Variants in EYS observed in about 807,000 individuals in gnomAD.
The protein encoded by EYS is protein eyes shut homolog.
A neutral mutation model predicts 282.1 loss-of-function variants in EYS; 250 were observed. That is an observed-to-expected ratio of 0.89 (90% CI 0.80 to 0.98). The LOEUF (loss-of-function observed/expected upper bound fraction) is 0.98, where lower values mean the gene tolerates loss of function less well. EYS is among the 50% of genes least tolerant of loss of function. The pLI is 0.00. For synonymous variants in EYS, 1,355 were observed against 1,282.9 expected (o/e 1.06, Z -1.20); for missense variants, 4,016 against 3,709.0 (o/e 1.08, Z -2.15).
chr6:63,846,164 A>G (rs1324782464), intron 36 of EYS, among the ~76,000 whole-genome samples: 1 of 152,178 alleles, frequency 6.6e-6, no homozygotes. Flanking sequence ...TTAAAATGCA[A>G]CGGATATAGC....
At position 63,721,777 on chromosome 6, in the gene EYS, A is replaced by C; in HGVS notation, c.8254T>G (p.Leu2752Val). 1 of 1,544,778 alleles carries C rather than the reference A, an allele frequency of 6.5e-7. No individual in the cohort carries two copies. The highest frequency in any genetic ancestry group is 2.4e-5 in the East Asian group (1 of 40,848). Residue 2752 changes from leucine to valine, a missense_variant, in exon 43 of 43, where the codon TTA (leucine) becomes GTA (valine). Transcript: ENST00000503581. ...AQSGDFLCIS[L>V]VNSSVQLRYN... Reference sequence around the variant, plus strand: ...CGAAGTTGAACGGAACTATTTACTAAAGAGATGCATAAAAAATCACCTGCA... The same window carrying C: ...CGAAGTTGAACGGAACTATTTACTACAGAGATGCATAAAAAATCACCTGCA...
At chr6:64,417,997 A>C (rs1352680086) in intron 28 of EYS, among the ~76,000 whole-genome samples, 1 of 152,182 alleles carries the variant, frequency 6.6e-6, no homozygotes, top group Non-Finnish European at 1.5e-5. Flanking sequence ...AATATTATTC[A>C]AATTAAAATA....
chr6:64,993,850 ATGTT>A (rs1430086192), intron 14 of EYS, among the ~76,000 whole-genome samples: 1 of 150,436 alleles, frequency 6.6e-6, no homozygotes, highest in Non-Finnish European at 1.5e-5. Flanking sequence ...TTGCATCTGA[ATGTT>A]TGGGGGAAAA....
At chr6:63,781,545 C>CT (rs1391005449) in intron 39 of EYS, among the ~76,000 whole-genome samples, 1 of 152,084 alleles carries the variant, frequency 6.6e-6, no homozygotes, top group Non-Finnish European at 1.5e-5. Flanking sequence ...ATTTGGCTCT[C>CT]TGTTTGTCTG....
At chr6:65,217,018 G>T (rs1382064916) in intron 12 of EYS, among the ~76,000 whole-genome samples, 1 of 151,936 alleles carries the variant, frequency 6.6e-6, no homozygotes, top group African/African-American at 2.4e-5. Flanking sequence ...AGAATGTATT[G>T]AACAAATGAG....
intron 29 of EYS, among the ~76,000 whole-genome samples, chr6:64,353,067 G>T (rs547689412): frequency 1.3e-5 from 2 of 151,594 alleles, no homozygotes; most frequent in South Asian, 4.1e-4. Context: ...ATAGGGAAGA[G>T]AATACCTCCC....
At chr6:65,455,529 G>A (rs1764569049) in intron 5 of EYS, among the ~76,000 whole-genome samples, 1 of 152,060 alleles carries the variant, frequency 6.6e-6, no homozygotes, top group South Asian at 2.1e-4. Flanking sequence ...AAAAAAACGA[G>A]AGAAGACTCA....
chr6:64,339,064 C>T (rs756017575), intron 29 of EYS, among the ~76,000 whole-genome samples: 20 of 151,990 alleles, frequency 1.3e-4, no homozygotes, highest in Non-Finnish European at 2.8e-4. Flanking sequence ...CCCTTCTAGA[C>T]ATTGGCTTAG....
intron 41 of EYS, among the ~76,000 whole-genome samples, chr6:63,747,005 G>T (rs770184393): frequency 1.3e-5 from 2 of 151,964 alleles, no homozygotes; most frequent in East Asian, 1.9e-4. Flanking sequence ...TGCTTCTCCT[G>T]TTCTTTTAAT....
chr6:64,329,332 G>A (rs555039911), intron 29 of EYS, among the ~76,000 whole-genome samples: 6 of 152,246 alleles, frequency 3.9e-5, no homozygotes, highest in African/African-American at 1.4e-4. Flanking sequence ...TTGTTAGGAA[G>A]AGATTTGCTC....
chr6:63,939,407 C>T (rs1765168045), intron 35 of EYS, among the ~76,000 whole-genome samples: 3 of 151,924 alleles, frequency 2.0e-5, no homozygotes, highest in African/African-American at 4.8e-5. Flanking sequence ...GCACTGTTAA[C>T]GGGGTTGGGA....
chr6:65,344,062 C>A lies in EYS; in HGVS notation c.1575G>T (p.Trp525Cys), dbSNP rs1019315150. The A allele has an allele frequency of 6.2e-7, 1 of 1,610,524 alleles. No homozygotes were observed. The highest frequency in any genetic ancestry group is 8.5e-7 in the Non-Finnish European group (1 of 1,177,998). ...CCTCTTTTGTGCCTTCATGTGGGAA[C>A]CAACATGAAGAATTATTATCTTCAG... ...NDPEDNNSSC[W>C]FPHEGTKEIC... Residue 525 changes from tryptophan to cysteine, a missense_variant, in exon 10 of 43, where the codon TGG (tryptophan) becomes TGT (cysteine). Transcript: ENST00000503581.
chr6:64,119,099 G>A (rs1473088318), intron 31 of EYS, among the ~76,000 whole-genome samples: 2 of 151,886 alleles, frequency 1.3e-5, no homozygotes, highest in Non-Finnish European at 2.9e-5. Context: ...TTTTTAATTT[G>A]AGTGATAGAG....
At chr6:65,522,741 C>A (rs908517867) in intron 2 of EYS, among the ~76,000 whole-genome samples, 3 of 152,034 alleles carry the variant, frequency 2.0e-5, no homozygotes, top group African/African-American at 7.2e-5. Flanking sequence ...TTAATTTGAT[C>A]TTCCCTTATA....
intron 31 of EYS, among the ~76,000 whole-genome samples, chr6:64,096,455 T>C (rs1772617797): frequency 6.6e-6 from 1 of 152,234 alleles, no homozygotes; most frequent in African/African-American, 2.4e-5. Context: ...CATTTCTTTT[T>C]ATTCTTTTTG....
At chr6:64,854,404 A>C (rs1765986381) in intron 19 of EYS, among the ~76,000 whole-genome samples, 1 of 152,100 alleles carries the variant, frequency 6.6e-6, no homozygotes, top group Non-Finnish European at 1.5e-5. Context: ...ATGGAATACT[A>C]TGCAGCCATA....
chr6:64,591,650 G>A lies in EYS; in HGVS notation c.4217C>T (p.Thr1406Ile). ...SSLMSDFIFP[T>I]QSLLFENCQT... ...ACAGTTCTCAAATAATAAAGATTGT[G>A]TAGGAAAAATAAAATCTGACATTAA... Residue 1406 changes from threonine to isoleucine, a missense_variant, in exon 26 of 43, where the codon ACA becomes ATA. Physicochemically the swap from Thr to Ile is moderately conservative, Grantham distance 89 (BLOSUM62 -1). Coordinates refer to ENST00000503581, the MANE Select transcript of EYS (RefSeq NM_001142800.2). The A allele has an allele frequency of 6.4e-7, 1 of 1,551,234 alleles. No homozygotes were observed. Among genetic ancestry groups the A allele is most frequent in the Non-Finnish European group, 8.7e-7 (1 of 1,146,698 alleles).
At chr6:64,617,152 G>A (rs975659460) in intron 24 of EYS, among the ~76,000 whole-genome samples, 7 of 152,118 alleles carry the variant, frequency 4.6e-5, no homozygotes, top group Admixed American at 3.3e-4. Flanking sequence ...AGACATTAAA[G>A]GCCAATACAT....
intron 1 of EYS, among the ~76,000 whole-genome samples, chr6:65,702,855 GT>G (rs1477689676): frequency 6.6e-6 from 1 of 152,046 alleles, no homozygotes; most frequent in Non-Finnish European, 1.5e-5. Context: ...CTAGGCCATG[GT>G]GCCATAGTAT....
Sources: gnomAD v4.1 joint callset for allele counts (sites outside exome capture counted in the v4.1 genomes callset) on GRCh38, gnomAD v4.1.1 for gene constraint, MANE v1.5 for transcripts, NCBI Gene and HGNC (gene_info 2026-07-23, HGNC 2026-07-21) for gene names.